Variants in SCFD2 observed in about 807,000 individuals in gnomAD.
SCFD2 encodes sec1 family domain containing 2, also known as sec1 family domain-containing protein 2.
A neutral mutation model predicts 58.9 loss-of-function variants in SCFD2; 54 were observed. That is an observed-to-expected ratio of 0.92 (90% CI 0.74 to 1.15). The LOEUF is 1.15. Ranked by LOEUF, SCFD2 falls within the 50% of genes most tolerant of loss-of-function variation. SCFD2 has a pLI of 0.00. For synonymous variants in SCFD2, 321 were observed against 335.9 expected (o/e 0.96, Z 0.49); for missense variants, 805 against 836.6 (o/e 0.96, Z 0.47).
intron 5 of SCFD2, among the ~76,000 whole-genome samples, chr4:52,940,287 G>T (rs916175317): frequency 4.6e-5 from 7 of 152,098 alleles, no homozygotes; most frequent in African/African-American, 1.4e-4. Context: ...AATGGCTGGG[G>T]CTTGTTCCGA....
intron 5 of SCFD2, among the ~76,000 whole-genome samples, chr4:52,930,363 A>G (rs565539809): frequency 6.6e-6 from 1 of 152,292 alleles, no homozygotes; most frequent in South Asian, 2.1e-4. Flanking sequence ...TTAACTCAAG[A>G]TGGATTAAAT....
intron 5 of SCFD2, among the ~76,000 whole-genome samples, chr4:53,089,728 C>A (rs1186481109): frequency 6.6e-6 from 1 of 152,110 alleles, no homozygotes; most frequent in Non-Finnish European, 1.5e-5. Flanking sequence ...TAATCAATTT[C>A]TTGCCAATGG....
chr4:53,352,530 A>G, intron 2 of SCFD2, 68 bp downstream of exon 2: 1 of 1,261,080 alleles, frequency 7.9e-7, no homozygotes, highest in Non-Finnish European at 1.1e-6. Flanking sequence ...CTATGGGAAT[A>G]CTCAGTCTAG....
At chr4:53,307,442 A>G (rs1301629491) in intron 3 of SCFD2, among the ~76,000 whole-genome samples, 1 of 152,216 alleles carries the variant, frequency 6.6e-6, no homozygotes, top group Non-Finnish European at 1.5e-5. Context: ...CTCTCTAAAG[A>G]GGCCTGATAA....
intron 5 of SCFD2, among the ~76,000 whole-genome samples, chr4:53,027,430 C>T (rs1722504609): frequency 6.6e-6 from 1 of 152,196 alleles, no homozygotes; most frequent in Non-Finnish European, 1.5e-5. Flanking sequence ...GTCTATAACT[C>T]CACCTACTCT....
At chr4:53,320,451 T>A (rs1239108518) in intron 2 of SCFD2, among the ~76,000 whole-genome samples, 5 of 152,124 alleles carry the variant, frequency 3.3e-5, no homozygotes, top group African/African-American at 1.2e-4. Context: ...ACCCCATCTC[T>A]ACTAAAAATA....
intron 6 of SCFD2, among the ~76,000 whole-genome samples, chr4:52,908,597 C>T (rs1719406007): frequency 6.6e-6 from 1 of 152,172 alleles, no homozygotes; most frequent in African/African-American, 2.4e-5. Flanking sequence ...TGTGACTTGT[C>T]TGTAGCAACT....
chr4:53,085,303 A>G (rs924994034), intron 5 of SCFD2, among the ~76,000 whole-genome samples: 7 of 152,166 alleles, frequency 4.6e-5, no homozygotes, highest in Non-Finnish European at 1.0e-4. Flanking sequence ...AATAAATTTA[A>G]ATAATTAGGA....
intron 5 of SCFD2, among the ~76,000 whole-genome samples, chr4:53,087,657 C>CT (rs34727687): frequency 0.039 from 4,449 of 115,194 alleles, 263 homozygotes; most frequent in African/African-American, 0.12. Context: ...TTTCTTTTTC[C>CT]TTTTTTTTTT....
chr4:53,335,202 A>G (rs1733640581), intron 2 of SCFD2, among the ~76,000 whole-genome samples: 1 of 145,790 alleles, frequency 6.9e-6, no homozygotes, highest in African/African-American at 2.7e-5. Context: ...CTCAAAAAAA[A>G]AAAAAAAAAA....
chr4:53,071,296 T>A (rs1383313610), intron 5 of SCFD2, among the ~76,000 whole-genome samples: 1 of 152,132 alleles, frequency 6.6e-6, no homozygotes, highest in African/African-American at 2.4e-5. Flanking sequence ...GAACTTATAT[T>A]TTATTAAGCC....
intron 7 of SCFD2, 89 bp downstream of exon 7, chr4:52,907,368 C>A: frequency 7.8e-7 from 1 of 1,287,474 alleles, no homozygotes; most frequent in South Asian, 1.2e-5. Flanking sequence ...CTGTATGGTG[C>A]TGGCTAGGGT....
At chr4:53,187,713 G>A (rs1464875469) in intron 4 of SCFD2, among the ~76,000 whole-genome samples, 9 of 151,998 alleles carry the variant, frequency 5.9e-5, no homozygotes, top group Non-Finnish European at 1.0e-4. Flanking sequence ...AACAAAATGT[G>A]TGTAGGTATG....
At chr4:53,226,606 C>A (rs1729225251) in intron 4 of SCFD2, among the ~76,000 whole-genome samples, 1 of 151,944 alleles carries the variant, frequency 6.6e-6, no homozygotes, top group African/African-American at 2.4e-5. Flanking sequence ...GTACTATCTG[C>A]CAGGTGGAAA....
chr4:52,995,080 T>C (rs6554062), intron 5 of SCFD2, among the ~76,000 whole-genome samples: 125,759 of 152,094 alleles, frequency 0.83, 52,600 homozygotes, highest in Middle Eastern at 0.95. Context: ...TTACATTTAC[T>C]GTGTACTTTA....
chr4:53,299,353 A>C (rs1732179875), intron 3 of SCFD2, among the ~76,000 whole-genome samples: 1 of 152,252 alleles, frequency 6.6e-6, no homozygotes, highest in South Asian at 2.1e-4. Flanking sequence ...CAGTGATGGA[A>C]GATCAAATGA....
At chr4:53,133,591 G>C (rs1326577116) in intron 5 of SCFD2, among the ~76,000 whole-genome samples, 1 of 152,162 alleles carries the variant, frequency 6.6e-6, no homozygotes, top group Non-Finnish European at 1.5e-5. Context: ...TTCCAAAGAA[G>C]AGAGATAACA....
rs1399470035 is a variant in SCFD2, at chr4:53,079,114, A to T, written c.1561+66219T>A. Among the ~76,000 whole-genome samples, 8 of 152,292 alleles carry T rather than the reference A, an allele frequency of 5.3e-5. No individual in the cohort carries two copies. The East Asian group carries it at 1.4e-3, about 26-fold the overall frequency. On this transcript the variant is annotated intron_variant, in intron 5 of 8. Coordinates refer to ENST00000401642, the MANE Select transcript of SCFD2 (RefSeq NM_152540.4). ...GAGAACCAGGAAAGCTGGTGGTGTC[A>T]TTCAGTTTGACTCTGAAGGCCTGAG...
chr4:53,305,703 C>T (rs1375846701), intron 3 of SCFD2, among the ~76,000 whole-genome samples: 4 of 152,172 alleles, frequency 2.6e-5, no homozygotes, highest in South Asian at 2.1e-4. Flanking sequence ...TTTTCTAACA[C>T]GTTGTTTTGT....
Sources: gnomAD v4.1 joint callset for allele counts (sites outside exome capture counted in the v4.1 genomes callset) on GRCh38, gnomAD v4.1.1 for gene constraint, MANE v1.5 for transcripts, NCBI Gene and HGNC (gene_info 2026-07-23, HGNC 2026-07-21) for gene names.